The following ZNF521 variants were observed in gnomAD, a reference collection of about 807,000 sequenced individuals.
ZNF521 encodes the protein LYST-interacting protein 3.
A neutral mutation model predicts 105.5 loss-of-function variants in ZNF521; 14 were observed. That is an observed-to-expected ratio of 0.13 (90% CI 0.09 to 0.21). ZNF521 has a LOEUF of 0.21. Among genes scored for constraint, ZNF521 ranks in the 10% least tolerant of loss-of-function variants. The pLI, the probability that ZNF521 is intolerant of heterozygous loss-of-function variation, is 1.00. For missense variants in ZNF521, 1,233 were observed against 1,629.7 expected, an observed-to-expected ratio of 0.76 and a Z score of 4.19; for synonymous variants, 635 against 606.0, an observed-to-expected ratio of 1.05 and a Z score of -0.70.
intron 5 of ZNF521, among the ~76,000 whole-genome samples, chr18:25,153,802 C>A (rs959481016): frequency 1.3e-5 from 2 of 152,178 alleles, no homozygotes; most frequent in Non-Finnish European, 2.9e-5. Context: ...TCCTCTTCTC[C>A]TCCTTCTCCT....
At chr18:25,195,966 T>C (rs4603646) in intron 4 of ZNF521, among the ~76,000 whole-genome samples, 96,856 of 151,432 alleles carry the variant, frequency 0.64, 32,918 homozygotes, top group African/African-American at 0.88. Context: ...GTCATGGTGC[T>C]GTACAGCTGG....
intron 4 of ZNF521, among the ~76,000 whole-genome samples, chr18:25,208,748 ATTAAT>A (rs1485919974): frequency 6.6e-6 from 1 of 152,202 alleles, no homozygotes; most frequent in Non-Finnish European, 1.5e-5. Flanking sequence ...CACTGTTTAG[ATTAAT>A]TTGAGTTTAG....
chr18:25,179,462 ATG>A (rs888572800), intron 5 of ZNF521, among the ~76,000 whole-genome samples: 5 of 151,736 alleles, frequency 3.3e-5, no homozygotes, highest in African/African-American at 1.2e-4. Context: ...GGTGGTAGTG[ATG>A]TGTGTGTGTT....
At chr18:25,182,667 G>T (rs1055698226) in intron 5 of ZNF521, among the ~76,000 whole-genome samples, 1 of 152,080 alleles carries the variant, frequency 6.6e-6, no homozygotes, top group African/African-American at 2.4e-5. Context: ...CTTCTTATGA[G>T]AATACAAATA....
At chr18:25,273,547 C>T (rs984640078) in intron 3 of ZNF521, 2 of 152,162 alleles carry the variant, frequency 1.3e-5, no homozygotes, top group Non-Finnish European at 2.9e-5. Context: ...TTCATATTTA[C>T]GTGACTTTGG....
chr18:25,240,947 T>TAAA (rs35790866), intron 3 of ZNF521, among the ~76,000 whole-genome samples: 2 of 117,938 alleles, frequency 1.7e-5, no homozygotes, highest in African/African-American at 3.1e-5. Flanking sequence ...AACCAGATAT[T>TAAA]AAAAAAAAAA....
chr18:25,101,542 T>A (rs956813911), intron 5 of ZNF521, among the ~76,000 whole-genome samples: 6 of 152,104 alleles, frequency 3.9e-5, no homozygotes, highest in African/African-American at 1.2e-4. Flanking sequence ...AATCTTACTA[T>A]AAATAAATTC....
At chr18:25,129,861 C>T (rs2034608707) in intron 5 of ZNF521, among the ~76,000 whole-genome samples, 1 of 152,130 alleles carries the variant, frequency 6.6e-6, no homozygotes. Context: ...GATGCTGAGC[C>T]ACAGAAACCC....
At chr18:25,147,792 T>C (rs2034972086) in intron 5 of ZNF521, among the ~76,000 whole-genome samples, 1 of 152,216 alleles carries the variant, frequency 6.6e-6, no homozygotes, top group Admixed American at 6.5e-5. Flanking sequence ...GATAACACTC[T>C]GTTTATAATC....
At position 25,137,754 on chromosome 18, in the gene ZNF521, C is replaced by T. The variant is rs375927059; in HGVS notation, c.3659-45673G>A. ...ATTGGGGAAGAACTGGGACAGACATCGAGTCCAACGCCTTCATTTAACAGC... is the reference window on the plus strand; with the variant it reads ...ATTGGGGAAGAACTGGGACAGACATTGAGTCCAACGCCTTCATTTAACAGC... On this transcript the variant is annotated intron_variant, in intron 5 of 7. Transcript: ENST00000361524. 5.3e-5 allele frequency among the ~76,000 whole-genome samples: 8 copies of T among 152,256 alleles called. No individual in the cohort carries two copies. The East Asian group carries it at 1.5e-3, about 29-fold the overall frequency.
intron 5 of ZNF521, among the ~76,000 whole-genome samples, chr18:25,186,760 T>C (rs2144608919): frequency 6.6e-6 from 1 of 152,054 alleles, no homozygotes; most frequent in East Asian, 1.9e-4. Flanking sequence ...TAAAGCCAAT[T>C]AATAGAAGCC....
chr18:25,259,289 G>A (rs1908738648), intron 3 of ZNF521, among the ~76,000 whole-genome samples: 1 of 152,172 alleles, frequency 6.6e-6, no homozygotes, highest in African/African-American at 2.4e-5. Context: ...CCCATTCTAG[G>A]TACAGTCTTG....
intron 7 of ZNF521, among the ~76,000 whole-genome samples, chr18:25,063,491 T>C (rs2032966500): frequency 6.6e-6 from 1 of 152,054 alleles, no homozygotes; most frequent in South Asian, 2.1e-4. Context: ...CATGTCCCCT[T>C]TCTGAGTGAA....
chr18:25,113,764 A>G (rs72887712), intron 5 of ZNF521, among the ~76,000 whole-genome samples: 27 of 41,702 alleles, frequency 6.5e-4, no homozygotes, highest in South Asian at 1.4e-3. Context: ...ACGGACGGAC[A>G]CACACACACA....
chr18:25,257,390 C>T (rs1174797264), intron 3 of ZNF521, among the ~76,000 whole-genome samples: 2 of 152,142 alleles, frequency 1.3e-5, no homozygotes, highest in African/African-American at 4.8e-5. Context: ...CAAGCCTGGG[C>T]TCAAACAACA....
chr18:25,348,605 A>C (rs1409724872), intron 2 of ZNF521, among the ~76,000 whole-genome samples: 2 of 152,194 alleles, frequency 1.3e-5, no homozygotes, highest in Non-Finnish European at 2.9e-5. Flanking sequence ...CTGATAGGAG[A>C]GAACAGCACT....
At chr18:25,075,775 C>G (rs1035885855) in intron 7 of ZNF521, among the ~76,000 whole-genome samples, 6 of 152,180 alleles carry the variant, frequency 3.9e-5, no homozygotes, top group Non-Finnish European at 8.8e-5. Flanking sequence ...AATCCACGCA[C>G]GGCGCAGGAG....
chr18:25,127,664 A>G (rs929850644), intron 5 of ZNF521, among the ~76,000 whole-genome samples: 2 of 152,064 alleles, frequency 1.3e-5, no homozygotes, highest in African/African-American at 4.8e-5. Flanking sequence ...TTGCATTAAG[A>G]GAATATATGT....
intron 2 of ZNF521, among the ~76,000 whole-genome samples, chr18:25,337,700 G>A (rs995803119): frequency 1.3e-5 from 2 of 152,272 alleles, no homozygotes; most frequent in South Asian, 4.1e-4. Flanking sequence ...GGGCACACTG[G>A]CGGTATCCAT....
Sources: gnomAD v4.1 joint callset for allele counts (sites outside exome capture counted in the v4.1 genomes callset) on GRCh38, gnomAD v4.1.1 for gene constraint, MANE v1.5 for transcripts, NCBI Gene and HGNC (gene_info 2026-07-23, HGNC 2026-07-21) for gene names.